LTBP1: variants seen among roughly 807,000 people sequenced by gnomAD.
LTBP1 encodes latent-transforming growth factor beta-binding protein 1.
LTBP1 carries 129 observed loss-of-function variants against 207.6 expected under a neutral mutation model. The ratio of observed to expected loss-of-function variants is 0.62; its 90% CI spans 0.54 to 0.72. LTBP1 has a LOEUF of 0.72. Ranked by LOEUF, LTBP1 falls within the 30% of genes least tolerant of loss-of-function variation. The probability of loss-of-function intolerance (pLI) is 0.00; values close to 1 mark genes in which losing one functional copy is unlikely to be tolerated. For synonymous variants in LTBP1, 963 were observed against 833.7 expected, an observed-to-expected ratio of 1.16 and a Z score of -2.67; for missense variants, 2,281 against 2,217.2, an observed-to-expected ratio of 1.03 and a Z score of -0.58.
intron 7 of LTBP1, among the ~76,000 whole-genome samples, chr2:33,193,507 G>C (rs890170519): frequency 6.6e-6 from 1 of 152,104 alleles, no homozygotes; most frequent in Non-Finnish European, 1.5e-5. Context: ...CATGATGTTC[G>C]TAGTTTACAG....
intron 2 of LTBP1, among the ~76,000 whole-genome samples, chr2:32,957,928 C>T (rs537181520): frequency 6.6e-5 from 10 of 152,278 alleles, no homozygotes; most frequent in South Asian, 2.1e-4. Context: ...ACATTGCCAT[C>T]GAGACCCCAA....
intron 26 of LTBP1, among the ~76,000 whole-genome samples, chr2:33,353,248 G>A (rs998338350): frequency 6.6e-6 from 1 of 152,032 alleles, no homozygotes; most frequent in Non-Finnish European, 1.5e-5. Context: ...CAAAGTTCTG[G>A]GATTACAGGC....
intron 24 of LTBP1, among the ~76,000 whole-genome samples, chr2:33,335,866 A>G (rs2094548555): frequency 6.6e-6 from 1 of 152,182 alleles, no homozygotes; most frequent in Admixed American, 6.5e-5. Flanking sequence ...TTCTGGCACC[A>G]AATACTTAAC....
chr2:33,182,687 G>GAGATATATA (rs1469125010), intron 5 of LTBP1, among the ~76,000 whole-genome samples: 1 of 67,008 alleles, frequency 1.5e-5, no homozygotes, highest in African/African-American at 5.9e-5. Context: ...AAAAGATGGT[G>GAGATATATA]ATATATATAT....
At chr2:33,386,584 G>A (rs2095267228) in intron 31 of LTBP1, among the ~76,000 whole-genome samples, 1 of 152,198 alleles carries the variant, frequency 6.6e-6, no homozygotes, top group South Asian at 2.1e-4. Context: ...CAGCACTTAG[G>A]GAGGCCAAGG....
intron 5 of LTBP1, among the ~76,000 whole-genome samples, chr2:33,179,534 G>T (rs1363759137): frequency 2.0e-5 from 3 of 151,728 alleles, no homozygotes; most frequent in Non-Finnish European, 4.4e-5. Flanking sequence ...TTTCTCTTTG[G>T]AACTCTGTTG....
At chr2:33,222,041 A>G in intron 8 of LTBP1, 39 bp from the exon 9 acceptor site, 1 of 1,461,214 alleles carries the variant, frequency 6.8e-7, no homozygotes, top group Non-Finnish European at 9.6e-7. Flanking sequence ...TAAGATTGTA[A>G]GAATTTAAGT....
chr2:33,271,541 A>C (rs2093322041), intron 15 of LTBP1, among the ~76,000 whole-genome samples: 2 of 152,160 alleles, frequency 1.3e-5, no homozygotes, highest in African/African-American at 2.4e-5. Context: ...CCTGGTGAAG[A>C]TTACCTTTTA....
intron 6 of LTBP1, 91 bp downstream of exon 6, chr2:33,187,171 G>T: frequency 9.3e-7 from 1 of 1,076,798 alleles, no homozygotes. Flanking sequence ...GCCAGGGCTG[G>T]TATTGAAACA....
intron 31 of LTBP1, among the ~76,000 whole-genome samples, chr2:33,380,767 A>G (rs879117721): frequency 6.6e-6 from 1 of 152,236 alleles, no homozygotes; most frequent in Admixed American, 6.5e-5. Flanking sequence ...TTCACAGAAC[A>G]TGAAATTAAG....
chr2:33,372,875 C>G (rs1192954031), intron 31 of LTBP1, among the ~76,000 whole-genome samples: 1 of 152,144 alleles, frequency 6.6e-6, no homozygotes, highest in East Asian at 1.9e-4. Flanking sequence ...AAAAAGATAA[C>G]ATAAGCTTAA....
chr2:33,309,154 G>T (rs375378568), intron 22 of LTBP1, among the ~76,000 whole-genome samples: 1 of 151,732 alleles, frequency 6.6e-6, no homozygotes, highest in African/African-American at 2.4e-5. Context: ...GTGGTGGTGG[G>T]CGCCTATAAT....
At chr2:33,251,021 G>A (rs80177842) in intron 10 of LTBP1, among the ~76,000 whole-genome samples, 2,934 of 152,224 alleles carry the variant, frequency 0.019, 44 homozygotes, top group Middle Eastern at 0.044. Flanking sequence ...TGGCACCTAA[G>A]CAAGCCACGT....
chr2:32,963,163 C>G (rs1409141011), intron 2 of LTBP1, among the ~76,000 whole-genome samples: 1 of 152,180 alleles, frequency 6.6e-6, no homozygotes, highest in East Asian at 1.9e-4. Context: ...AGATGGGAAC[C>G]TTGCAATCGG....
At chr2:33,166,205 G>A (rs759304378) in intron 5 of LTBP1, among the ~76,000 whole-genome samples, 8 of 151,378 alleles carry the variant, frequency 5.3e-5, no homozygotes, top group East Asian at 3.9e-4. Context: ...ATTATATATC[G>A]GTTAAAAAAG....
At chr2:33,188,485 C>T in intron 6 of LTBP1, 92 bp from the exon 7 acceptor site, 1 of 957,814 alleles carries the variant, frequency 1.0e-6, no homozygotes. Flanking sequence ...CACATGCATG[C>T]ATGTTTATAA....
intron 2 of LTBP1, among the ~76,000 whole-genome samples, chr2:32,959,619 A>ATTTTTTTTTTTTTTTTTTTTTTTT (rs1378144146): frequency 2.1e-5 from 1 of 48,098 alleles, no homozygotes; most frequent in Admixed American, 4.3e-4. Flanking sequence ...ATATATATAT[A>ATTTTTTTTTTTTTTTTTTTTTTTT]TATTTTTTTT....
chr2:33,199,230 G>T (rs1227811769), intron 7 of LTBP1, among the ~76,000 whole-genome samples: 3 of 152,182 alleles, frequency 2.0e-5, no homozygotes, highest in Non-Finnish European at 4.4e-5. Flanking sequence ...TCTTAATCCT[G>T]AGTTCTAGTT....
At chr2:33,148,857 G>A (rs1218846885) in intron 5 of LTBP1, among the ~76,000 whole-genome samples, 1 of 152,140 alleles carries the variant, frequency 6.6e-6, no homozygotes, top group Non-Finnish European at 1.5e-5. Context: ...TTCAAATTTG[G>A]GGGTGCTCTT....
Sources: gnomAD v4.1 joint callset for allele counts (sites outside exome capture counted in the v4.1 genomes callset) on GRCh38, gnomAD v4.1.1 for gene constraint, MANE v1.5 for transcripts, NCBI Gene and HGNC (gene_info 2026-07-23, HGNC 2026-07-21) for gene names.